ALMS1: variants seen among roughly 807,000 people sequenced by gnomAD.
ALMS1 encodes the protein ALMS1 centrosome and basal body associated protein.
A neutral mutation model predicts 352.2 loss-of-function variants in ALMS1; 271 were observed. The observed-to-expected ratio is 0.77, with a 90% CI of 0.70 to 0.85. ALMS1 has a LOEUF of 0.85. Among genes scored for constraint, ALMS1 ranks in the 40% least tolerant of loss-of-function variants. ALMS1 has a pLI of 0.00. For synonymous variants in ALMS1, 1,865 were observed against 1,761.2 expected (o/e 1.06, Z -1.48); for missense variants, 5,445 against 4,870.7 (o/e 1.12, Z -3.51).
intron 9 of ALMS1, among the ~76,000 whole-genome samples, chr2:73,480,001 T>G (rs1372941752): frequency 6.6e-6 from 1 of 152,110 alleles, no homozygotes; most frequent in African/African-American, 2.4e-5. Context: ...TATTTCTGTT[T>G]CCAGTCTCTT....
chr2:73,505,825 G>A (rs1177059653), intron 10 of ALMS1, among the ~76,000 whole-genome samples: 1 of 152,106 alleles, frequency 6.6e-6, no homozygotes, highest in African/African-American at 2.4e-5. Context: ...TTTGGCTTTT[G>A]TTGCCATTGC....
Position 73,490,142 on chromosome 2 carries a change from A to G in ALMS1, c.8183A>G (p.Asn2728Ser), listed in dbSNP as rs886758563. Residue 2728 changes from asparagine to serine, a missense_variant, in exon 10 of 23, where the codon AAT (asparagine) becomes AGT (serine). Coordinates refer to ENST00000613296, the MANE Select transcript of ALMS1 (RefSeq NM_001378454.1). Reference sequence around the variant, plus strand: ...CACCGACATTCTAAATGCATTTCCAATTCCTCTGTTGTTAAGGTTGGTGTT... The same window carrying G: ...CACCGACATTCTAAATGCATTTCCAGTTCCTCTGTTGTTAAGGTTGGTGTT... ...SSHRHSKCISNSSVVKVGVTE... is the reference protein window; with the variant it reads ...SSHRHSKCISSSSVVKVGVTE... The G allele has an allele frequency of 5.6e-6, 9 of 1,614,026 alleles. No homozygotes were observed. Among genetic ancestry groups the G allele is most frequent in the South Asian group, 1.1e-5 (1 of 91,082 alleles).
At chr2:73,603,460 A>G in intron 21 of ALMS1, 156 bp downstream of exon 21, 1 of 699,056 alleles carries the variant, frequency 1.4e-6, no homozygotes, top group Non-Finnish European at 2.5e-6. Context: ...CACTGAAAAA[A>G]AAAAAAGCAC....
chr2:73,559,287 A>G, intron 15 of ALMS1, 145 bp downstream of exon 15: 3 of 929,554 alleles, frequency 3.2e-6, no homozygotes, highest in Non-Finnish European at 4.9e-6. Flanking sequence ...TTCTTGTGTA[A>G]AGTACTTTGA....
rs868395190 is a variant in ALMS1 at position 73,490,027 on chromosome 2, C to T, written c.8068C>T (p.Pro2690Ser). 1 of 1,614,184 alleles carries T rather than the reference C, an allele frequency of 6.2e-7. No individual in the cohort carries two copies. The highest frequency in any genetic ancestry group is 8.5e-7 in the Non-Finnish European group (1 of 1,180,040). ...LSELVEPAFV[P>S]PKEVDFHSSS... ...AGAATTAGTAGAACCTGCTTTTGTG[C>T]CACCTAAAGAAGTGGATTTTCATTC... Residue 2690 changes from proline (P) to serine (S), a missense_variant, in exon 10 of 23, where the codon CCA (proline) becomes TCA (serine). By Grantham distance (74) the Pro-to-Ser change is moderately conservative (BLOSUM62 -1). Coordinates refer to ENST00000613296, the MANE Select transcript of ALMS1 (RefSeq NM_001378454.1).
chr2:73,544,242 C>G (rs927020913), intron 12 of ALMS1, among the ~76,000 whole-genome samples: 10 of 152,124 alleles, frequency 6.6e-5, no homozygotes, highest in Non-Finnish European at 1.3e-4. Context: ...TGGAAACCAT[C>G]ATTCTCAGCA....
At position 73,491,165 on chromosome 2, in the gene ALMS1, A is replaced by G; in HGVS notation, c.9206A>G (p.His3069Arg). 2 of 1,614,186 alleles carry G rather than the reference A, an allele frequency of 1.2e-6. No homozygotes were observed. Among genetic ancestry groups the G allele is most frequent in the South Asian group, 1.1e-5 (1 of 91,074 alleles). Residue 3069 changes from histidine (H) to arginine (R), a missense_variant, in exon 10 of 23, where the codon CAT (histidine) becomes CGT (arginine). Transcript: ENST00000613296. ...AGTGGAACTTTAGATGAAAGATTCC[A>G]TTCATTGGATGCTGCTTCTAAAGCG... ...LDSGTLDERF[H>R]SLDAASKARM...
Position 73,601,411 on chromosome 2 carries a change from G to GGCCATTT in ALMS1, c.12091_12097dup (p.Val4033AlafsTer17). On this transcript the variant is annotated frameshift_variant, in exon 19 of 23. Coordinates refer to ENST00000613296, the MANE Select transcript of ALMS1 (RefSeq NM_001378454.1). LOFTEE classifies it high-confidence loss of function. ...AGAGAGGCTGGCAGAGACCTACTGA[G>GGCCATTT]GCCATTTGTGAGAGCAACCCTTCAG... is the stretch of plus-strand genomic sequence containing the variant. The GGCCATTT allele has an allele frequency of 1.2e-6, 2 of 1,613,790 alleles. No homozygotes were observed. The highest frequency in any genetic ancestry group is 1.7e-6 in the Non-Finnish European group (2 of 1,179,870).
intron 9 of ALMS1, among the ~76,000 whole-genome samples, chr2:73,457,632 T>A (rs1384834737): frequency 2.0e-5 from 3 of 152,352 alleles, no homozygotes; most frequent in South Asian, 4.2e-4. Context: ...ATTTGATCAT[T>A]TATTTTATTA....
At chr2:73,396,035 C>T (rs933063331) in intron 1 of ALMS1, among the ~76,000 whole-genome samples, 3 of 152,104 alleles carry the variant, frequency 2.0e-5, no homozygotes, top group East Asian at 1.9e-4. Flanking sequence ...TCATGGTCCT[C>T]GGCTGTGGGT....
Position 73,583,986 on chromosome 2 carries a change from T to A in ALMS1, c.11547+10562T>A, listed in dbSNP as rs201989676. On this transcript the variant is annotated intron_variant, in intron 16 of 22. Transcript: ENST00000613296. ...CAGGATTTCTTATCATTTTTAATGATTTCTTGCTATTTCCAATCTTTTTTG... is the reference window on the plus strand; with the variant it reads ...CAGGATTTCTTATCATTTTTAATGAATTCTTGCTATTTCCAATCTTTTTTG... Among the ~76,000 whole-genome samples the A allele has an allele frequency of 5.9e-5, 9 of 152,344 alleles. No individual in the cohort carries two copies. The East Asian group carries it at 1.7e-3, about 29-fold the overall frequency.
intron 15 of ALMS1, among the ~76,000 whole-genome samples, chr2:73,563,736 A>AT (rs1356703436): frequency 2.2e-5 from 3 of 133,416 alleles, no homozygotes; most frequent in African/African-American, 5.7e-5. Context: ...AAAAAAAAAA[A>AT]AAAATAAAAA....
rs199746489 is a variant in ALMS1 at position 73,568,977 on chromosome 2, T to TTGC, written c.10385-3277_10385-3275dup. 5.7e-3 allele frequency among the ~76,000 whole-genome samples: 850 copies of TTGC among 148,054 alleles called. 9 individuals are homozygous for TTGC. Among genetic ancestry groups the TTGC allele is most frequent in the African/African-American group, 0.02 (789 of 40,166 alleles). ...TTTATACTTAAGGAATTCAGCTTGC[T>TTGC]TGCTGCTGCTTCTGCTTCTTTTTTT... On this transcript the variant is annotated intron_variant, in intron 15 of 22. Coordinates refer to ENST00000613296, the MANE Select transcript of ALMS1 (RefSeq NM_001378454.1).
intron 9 of ALMS1, among the ~76,000 whole-genome samples, chr2:73,478,032 G>C (rs1036901555): frequency 6.6e-6 from 1 of 152,112 alleles, no homozygotes; most frequent in Admixed American, 6.6e-5. Context: ...GGCCATACTT[G>C]TCTTGTTCTT....
intron 1 of ALMS1, among the ~76,000 whole-genome samples, chr2:73,387,806 AG>A: frequency 6.6e-6 from 1 of 152,340 alleles, no homozygotes; most frequent in South Asian, 2.1e-4. Flanking sequence ...GGCATAAATT[AG>A]GAGACCATTG....
intron 16 of ALMS1, among the ~76,000 whole-genome samples, chr2:73,577,635 C>G (rs906533890): frequency 6.6e-6 from 1 of 151,968 alleles, no homozygotes; most frequent in Non-Finnish European, 1.5e-5. Context: ...TCTTCTTTTT[C>G]ATTCAAAATG....
In ALMS1 at chr2:73,491,115, T is replaced by C. The variant is rs2103894955; in HGVS notation, c.9156T>C (p.Cys3052=). 7 of 1,614,182 alleles carry C rather than the reference T, an allele frequency of 4.3e-6. No individual in the cohort carries two copies. Among genetic ancestry groups the C allele is most frequent in the Non-Finnish European group, 5.1e-6 (6 of 1,180,018 alleles). The change falls in exon 10 of 23, where the codon TGT becomes TGC. Residue 3052 remains cysteine, a synonymous_variant. Coordinates refer to ENST00000613296, the MANE Select transcript of ALMS1 (RefSeq NM_001378454.1). The part of the protein sequence containing the change: ...KALSCVHITL[C]PKTSSKLDSG... Reference sequence around the variant, plus strand: ...TTTCTTGTGTTCATATAACTCTTTGTCCCAAGACTTCTTCCAAGTTGGATA... The same window carrying C: ...TTTCTTGTGTTCATATAACTCTTTGCCCCAAGACTTCTTCCAAGTTGGATA...
In ALMS1 at chr2:73,453,600, C is replaced by T. The variant is rs763725570; in HGVS notation, c.7073C>T (p.Thr2358Ile). ...AATTGGGAGTTTATTAGTTCAACTA[C>T]AGTTAGAAGTCCTCTACAGGAAGCA... ...IENWEFISST[T>I]VRSPLQEAES... The change falls in exon 8 of 23, where the codon ACA becomes ATA. Residue 2358 changes from threonine (T) to isoleucine (I), a missense_variant. By Grantham distance (89) the Thr-to-Ile change is moderately conservative. Coordinates refer to ENST00000613296, the MANE Select transcript of ALMS1 (RefSeq NM_001378454.1). The T allele has an allele frequency of 3.1e-6, 5 of 1,613,902 alleles. No individual in the cohort carries two copies. The East Asian group carries it at 8.9e-5, about 29-fold the overall frequency.
intron 12 of ALMS1, among the ~76,000 whole-genome samples, chr2:73,543,606 C>G (rs1270382265): frequency 6.6e-6 from 1 of 152,150 alleles, no homozygotes; most frequent in African/African-American, 2.4e-5. Flanking sequence ...AAAAATTTTG[C>G]TATCTACCCA....
Sources: gnomAD v4.1 joint callset for allele counts (sites outside exome capture counted in the v4.1 genomes callset) on GRCh38, gnomAD v4.1.1 for gene constraint, MANE v1.5 for transcripts, NCBI Gene and HGNC (gene_info 2026-07-23, HGNC 2026-07-21) for gene names.